The following DIP2B variants were observed in gnomAD, a reference collection of about 807,000 sequenced individuals.
DIP2B encodes DIP2 acetate--CoA ligase B (putative).
Under a neutral mutation model 198.0 loss-of-function variants are expected in DIP2B, and 76 were observed. That is an observed-to-expected ratio of 0.38 (90% CI 0.32 to 0.46). The LOEUF is 0.46. Among genes scored for constraint, DIP2B ranks in the 20% least tolerant of loss-of-function variants. DIP2B has a pLI of 0.99. For missense variants in DIP2B, 1,559 were observed against 1,978.4 expected (o/e 0.79, Z 4.02); for synonymous variants, 701 against 739.1 (o/e 0.95, Z 0.84).
chr12:50,537,689 A>T (rs1055447283), intron 1 of DIP2B, among the ~76,000 whole-genome samples: 4 of 152,166 alleles, frequency 2.6e-5, no homozygotes, highest in African/African-American at 9.7e-5. Flanking sequence ...AAAGGAAAGT[A>T]AAAAATGAAG....
chr12:50,726,730 G>A (rs1329640421), intron 28 of DIP2B, among the ~76,000 whole-genome samples: 1 of 151,464 alleles, frequency 6.6e-6, no homozygotes, highest in Non-Finnish European at 1.5e-5. Flanking sequence ...CAAACTCCTG[G>A]GTTCACACAA....
intron 1 of DIP2B, among the ~76,000 whole-genome samples, chr12:50,540,219 T>C (rs1212319553): frequency 6.6e-6 from 1 of 150,780 alleles, no homozygotes; most frequent in Non-Finnish European, 1.5e-5. Context: ...AGCAATTCTC[T>C]GCCTCAGCCT....
At chr12:50,608,259 AG>A (rs1444679324) in intron 1 of DIP2B, among the ~76,000 whole-genome samples, 1 of 152,232 alleles carries the variant, frequency 6.6e-6, no homozygotes. Context: ...AAGAATAAAA[AG>A]AAACAAAAAT....
intron 36 of DIP2B, 30 bp from the exon 37 acceptor site, chr12:50,741,386 G>A (rs747819100): frequency 1.2e-6 from 2 of 1,609,724 alleles, no homozygotes; most frequent in African/African-American, 1.3e-5. Flanking sequence ...ATATGTCCAA[G>A]CCACATTTCT....
chr12:50,517,692 T>C (rs1432995380), intron 1 of DIP2B, among the ~76,000 whole-genome samples: 1 of 152,218 alleles, frequency 6.6e-6, no homozygotes, highest in Non-Finnish European at 1.5e-5. Context: ...CATTTCCTGC[T>C]CTGTCTATAT....
At chr12:50,543,924 TAA>T (rs781505789) in intron 1 of DIP2B, among the ~76,000 whole-genome samples, 9 of 101,154 alleles carry the variant, frequency 8.9e-5, no homozygotes, top group Admixed American at 1.2e-4. Flanking sequence ...ACTCAGCCTT[TAA>T]AAAAAAAAAA....
At chr12:50,558,395 CA>C (rs1206651890) in intron 1 of DIP2B, among the ~76,000 whole-genome samples, 1 of 152,098 alleles carries the variant, frequency 6.6e-6, no homozygotes, top group Non-Finnish European at 1.5e-5. Flanking sequence ...GTGTTCCTGC[CA>C]GGGGTAATAA....
rs756263358 is a variant in DIP2B, at chr12:50,603,770, G to A, written c.101-22206G>A. 4.3e-4 allele frequency among the ~76,000 whole-genome samples: 65 copies of A among 152,302 alleles called. 1 individual carries two copies. Among genetic ancestry groups the A allele is most frequent in the Non-Finnish European group, 7.1e-4 (48 of 68,034 alleles). On this transcript the variant is annotated intron_variant, in intron 1 of 37. Transcript: ENST00000301180. ...ATTTTGTGATATTTAGTGCAGAGAA[G>A]AGAAGGGAGAGGTATGACTTGGCCC...
chr12:50,667,069 A>T (rs965681865), intron 4 of DIP2B, among the ~76,000 whole-genome samples: 2 of 152,154 alleles, frequency 1.3e-5, no homozygotes, highest in African/African-American at 4.8e-5. Flanking sequence ...GGTTTTTGTC[A>T]TGTTGCCCAG....
intron 4 of DIP2B, among the ~76,000 whole-genome samples, chr12:50,662,298 T>C (rs552910849): frequency 1.3e-5 from 2 of 152,332 alleles, no homozygotes; most frequent in African/African-American, 2.4e-5. Flanking sequence ...GAGGGACATC[T>C]GTGTTGTCAA....
At chr12:50,679,976 G>A (rs1309334233) in intron 8 of DIP2B, 1 of 152,054 alleles carries the variant, frequency 6.6e-6, no homozygotes, top group Non-Finnish European at 1.5e-5. Context: ...TTAAAAAACT[G>A]GCCGGGCACA....
rs575267640 is a variant in DIP2B, at chr12:50,699,331, C to T, written c.2325+129C>T. The T allele has an allele frequency of 7.3e-6, 10 of 1,378,894 alleles. No homozygotes were observed. The South Asian group carries it at 8.4e-5, about 12-fold the overall frequency. The allele number at this position is 1,378,894 out of a possible 1,614,324, so 85.4% of individuals were successfully genotyped here. ...GTGTGTACTCTGGAGCTAGACTTGC[C>T]TAAGTTCAAATTCTGAACTTAGGTC... On this transcript the variant is annotated intron_variant, in intron 19 of 37. Coordinates refer to ENST00000301180, the MANE Select transcript of DIP2B (RefSeq NM_173602.3).
chr12:50,679,793 C>A (rs1939006795), intron 8 of DIP2B: 1 of 152,146 alleles, frequency 6.6e-6, no homozygotes, highest in African/African-American at 2.4e-5. Flanking sequence ...TCCATATGTT[C>A]ATACAGATAA....
intron 1 of DIP2B, among the ~76,000 whole-genome samples, chr12:50,541,559 C>T (rs761301230): frequency 1.3e-5 from 2 of 152,112 alleles, no homozygotes; most frequent in African/African-American, 2.4e-5. Flanking sequence ...GACTAGATTT[C>T]CTCCAAAATT....
chr12:50,631,248 G>A (rs1593670769), intron 2 of DIP2B, among the ~76,000 whole-genome samples: 1 of 147,630 alleles, frequency 6.8e-6, no homozygotes, highest in East Asian at 2.0e-4. Flanking sequence ...TTTTTTTTGA[G>A]ACGGAGTCTC....
chr12:50,620,004 T>A (rs779030106), intron 1 of DIP2B, among the ~76,000 whole-genome samples: 6 of 152,172 alleles, frequency 3.9e-5, no homozygotes, highest in Non-Finnish European at 7.4e-5. Flanking sequence ...GCCATGATCA[T>A]GCCACTGCAC....
chr12:50,554,339 T>C (rs1018367288), intron 1 of DIP2B, among the ~76,000 whole-genome samples: 4 of 152,122 alleles, frequency 2.6e-5, no homozygotes, highest in Non-Finnish European at 5.9e-5. Context: ...GTTATGACTA[T>C]GTAAATGCTG....
At chr12:50,714,938 A>C (rs1422025049) in intron 23 of DIP2B, among the ~76,000 whole-genome samples, 1 of 152,212 alleles carries the variant, frequency 6.6e-6, no homozygotes, top group Non-Finnish European at 1.5e-5. Flanking sequence ...CTGTCTCAAC[A>C]AAAAAGAAAG....
At chr12:50,582,700 A>G (rs1421713291) in intron 1 of DIP2B, among the ~76,000 whole-genome samples, 1 of 152,146 alleles carries the variant, frequency 6.6e-6, no homozygotes, top group East Asian at 1.9e-4. Flanking sequence ...ATCTACTTTC[A>G]TCTGTGCCCC....
Sources: allele counts gnomAD v4.1 joint callset (sites outside exome capture counted in the v4.1 genomes callset), GRCh38; gene constraint gnomAD v4.1.1; transcripts MANE v1.5; gene names NCBI Gene and HGNC (gene_info 2026-07-23, HGNC 2026-07-21).